Variants in LAMP3 observed in about 807,000 individuals in gnomAD.
LAMP3 encodes lysosome-associated membrane glycoprotein 3.
In LAMP3, 26 loss-of-function variants were observed where a neutral mutation model predicts 34.8. The observed-to-expected ratio is 0.75, with a 90% CI of 0.55 to 1.04. The LOEUF is 1.04. Ranked by LOEUF, LAMP3 falls within the 50% of genes least tolerant of loss-of-function variation. The probability of loss-of-function intolerance (pLI) is 0.00; values close to 1 mark genes in which losing one functional copy is unlikely to be tolerated. For synonymous variants in LAMP3, 180 were observed against 201.9 expected, an observed-to-expected ratio of 0.89 and a Z score of 0.92; for missense variants, 495 against 524.0, an observed-to-expected ratio of 0.94 and a Z score of 0.54.
At chr3:183,141,184 T>G (rs1022688528) in intron 3 of LAMP3, among the ~76,000 whole-genome samples, 1 of 152,162 alleles carries the variant, frequency 6.6e-6, no homozygotes, top group Non-Finnish European at 1.5e-5. Flanking sequence ...GTCTATGTCT[T>G]CAAAATGGCT....
chr3:183,136,653 G>GAAAAAA lies in LAMP3; in HGVS notation c.947-772_947-767dup, dbSNP rs63647060. Among the ~76,000 whole-genome samples the GAAAAAA allele has an allele frequency of 4.0e-5, 4 of 100,562 alleles. 1 individual carries two copies. The highest frequency in any genetic ancestry group is 2.3e-4 in the Admixed American group (2 of 8,630). 66.0% of individuals were successfully genotyped at this position (100,562 alleles called of 152,430 possible). On this transcript the variant is annotated intron_variant, in intron 4 of 5. Transcript: ENST00000265598. Reference sequence around the variant, plus strand: ...GCAACAACAGTGAAACTCCGTTTCAGAAAAAAAAAAAAAAAAACAACTCAT... The same window carrying GAAAAAA: ...GCAACAACAGTGAAACTCCGTTTCAGAAAAAAAAAAAAAAAAAAAAAAACAACTCAT...
intron 5 of LAMP3, among the ~76,000 whole-genome samples, chr3:183,130,223 A>T (rs534209839): frequency 1.3e-3 from 170 of 128,790 alleles, no homozygotes; most frequent in Non-Finnish European, 2.4e-3. Context: ...CAGTGGTGCC[A>T]TCTTGGCTCA....
At chr3:183,162,837 G>A, upstream of LAMP3, 1 of 575,328 alleles carries the variant, frequency 1.7e-6, no homozygotes, top group Non-Finnish European at 2.9e-6. Flanking sequence ...TACCCCTACG[G>A]AGCAGGGAGG....
At chr3:183,159,906 T>TG (rs1422608917) in intron 1 of LAMP3, among the ~76,000 whole-genome samples, 1 of 152,176 alleles carries the variant, frequency 6.6e-6, no homozygotes, top group African/African-American at 2.4e-5. Context: ...CTTCTGTTTT[T>TG]CCTCCTTTGA....
intron 5 of LAMP3, among the ~76,000 whole-genome samples, chr3:183,128,025 G>A (rs1255800708): frequency 1.3e-5 from 2 of 151,960 alleles, no homozygotes; most frequent in Non-Finnish European, 2.9e-5. Flanking sequence ...GCAGGCGCCT[G>A]TAGTCCCAGT....
intron 3 of LAMP3, among the ~76,000 whole-genome samples, chr3:183,141,062 T>C (rs1366139080): frequency 6.6e-6 from 1 of 152,254 alleles, no homozygotes; most frequent in Non-Finnish European, 1.5e-5. Context: ...TCCTTAAGGA[T>C]ACCATGGGAG....
In LAMP3 at chr3:183,123,961, GA is replaced by G; in HGVS notation, c.*119del. On this transcript the variant is annotated 3_prime_UTR_variant, in exon 6 of 6. Coordinates refer to ENST00000265598, the MANE Select transcript of LAMP3 (RefSeq NM_014398.4). ...ACACATGACTCACTTCATTTGAATAGAAGATGGTGGTTTACATTGTTTGAAG... is the reference window on the plus strand; with the variant it reads ...ACACATGACTCACTTCATTTGAATAGAGATGGTGGTTTACATTGTTTGAAG... 1 of 1,013,902 alleles carries G rather than the reference GA, an allele frequency of 9.9e-7. No individual in the cohort carries two copies. The highest frequency in any genetic ancestry group is 1.5e-6 in the Non-Finnish European group (1 of 672,198). 62.8% of individuals were successfully genotyped at this position (1,013,902 alleles called of 1,614,324 possible).
rs564804360 is a variant in LAMP3, at chr3:183,159,177, G to A, written c.49+3430C>T. ...CAAAGTGCTGGGATTACAGGCATTG[G>A]CCACTGTGCCCGACTGACAAGTGTC... is the stretch of plus-strand genomic sequence containing the variant. On this transcript the variant is annotated intron_variant, in intron 1 of 5. Transcript: ENST00000265598. Among the ~76,000 whole-genome samples the A allele has an allele frequency of 1.2e-4, 18 of 152,326 alleles. No homozygotes were observed. In the South Asian group the frequency reaches 3.5e-3, roughly 30 times the overall value.
chr3:183,157,511 C>T (rs555033239), intron 1 of LAMP3, among the ~76,000 whole-genome samples: 2 of 152,306 alleles, frequency 1.3e-5, no homozygotes, highest in East Asian at 3.9e-4. Context: ...TAGATTCATA[C>T]TATTACAATG....
chr3:183,155,538 T>C (rs1311063491), intron 1 of LAMP3, among the ~76,000 whole-genome samples: 1 of 152,230 alleles, frequency 6.6e-6, no homozygotes, highest in East Asian at 1.9e-4. Context: ...TAGTTCCCCA[T>C]ATCCATGATT....
At chr3:183,128,738 C>T (rs111248253) in intron 5 of LAMP3, among the ~76,000 whole-genome samples, 7,456 of 152,074 alleles carry the variant, frequency 0.049, 526 homozygotes, top group African/African-American at 0.16. Context: ...GATGGGGTTT[C>T]GCCATGTTGC....
chr3:183,135,861 C>T lies in LAMP3; in HGVS notation c.973G>A (p.Ala325Thr), dbSNP rs138755163. The T allele has an allele frequency of 6.8e-6, 11 of 1,613,868 alleles. No homozygotes were observed. The highest frequency in any genetic ancestry group is 8.5e-6 in the Non-Finnish European group (10 of 1,179,864). ...ACTGCTGTCTGGAACATCACCACCG[C>T]ATGTTTGATTCCTTGGTAAATTGTC... The part of the protein sequence containing the change: ...PETIYQGIKH[A>T]VVMFQTAVGH... The change falls in exon 5 of 6, where the codon GCG (alanine) becomes ACG (threonine). Residue 325 changes from alanine (A) to threonine (T), a missense_variant. Physicochemically the swap from Ala to Thr is moderately conservative, Grantham distance 58. Transcript: ENST00000265598.
At chr3:183,132,928 C>A in intron 5 of LAMP3, 1 of 985,456 alleles carries the variant, frequency 1.0e-6, no homozygotes, top group Non-Finnish European at 1.2e-6. Context: ...GGATTTCTCT[C>A]CTGTTTCTGT....
At chr3:183,147,224 C>G (rs780633296) in intron 3 of LAMP3, among the ~76,000 whole-genome samples, 2 of 147,186 alleles carry the variant, frequency 1.4e-5, no homozygotes, top group Non-Finnish European at 3.0e-5. Context: ...GCCTGGGCAA[C>G]AGAGTGAGAC....
At chr3:183,150,081 G>GTCA (rs1279179791) in intron 3 of LAMP3, among the ~76,000 whole-genome samples, 1 of 151,948 alleles carries the variant, frequency 6.6e-6, no homozygotes, top group Non-Finnish European at 1.5e-5. Flanking sequence ...TGCAACACTC[G>GTCA]GGGCCATGGG....
At chr3:183,160,821 C>T (rs1485182994) in intron 1 of LAMP3, 1 of 152,184 alleles carries the variant, frequency 6.6e-6, no homozygotes, top group Non-Finnish European at 1.5e-5. Context: ...GCTTCTATTT[C>T]CTCGCAAGTA....
rs1719723620 is a variant in LAMP3, at chr3:183,123,922, C to T, written c.*159G>A. ...AAAGTATTTAGAAATTGATGTGCTG[C>T]CTGAACTTAAATCACACATGACTCA... On this transcript the variant is annotated 3_prime_UTR_variant, in exon 6 of 6. Transcript: ENST00000265598. 1.5e-6 allele frequency: 1 copy of T among 670,102 alleles called. No homozygotes were observed. Among genetic ancestry groups the T allele is most frequent in the Admixed American group, 3.1e-5 (1 of 32,248 alleles). 41.5% of individuals were successfully genotyped at this position (670,102 alleles called of 1,614,324 possible). A position where few individuals can be genotyped will look rare whatever the true frequency, so the allele number is the denominator to read the frequency against.
At chr3:183,128,371 G>T (rs1719834186) in intron 5 of LAMP3, among the ~76,000 whole-genome samples, 1 of 152,064 alleles carries the variant, frequency 6.6e-6, no homozygotes, top group African/African-American at 2.4e-5. Context: ...TATGCACTAT[G>T]ATTTTTTGAT....
intron 3 of LAMP3, among the ~76,000 whole-genome samples, chr3:183,141,747 T>C (rs1218202534): frequency 3.3e-5 from 5 of 152,224 alleles, no homozygotes; most frequent in Non-Finnish European, 4.4e-5. Context: ...CTACAATTCA[T>C]TGAATAGCAC....
Sources: gnomAD v4.1 joint callset for allele counts (sites outside exome capture counted in the v4.1 genomes callset) on GRCh38, gnomAD v4.1.1 for gene constraint, MANE v1.5 for transcripts, NCBI Gene and HGNC (gene_info 2026-07-23, HGNC 2026-07-21) for gene names.